BICDL1: variants seen among roughly 807,000 people sequenced by gnomAD.
The protein encoded by BICDL1 is BICD family-like cargo adapter 1.
Under a neutral mutation model 76.8 loss-of-function variants are expected in BICDL1, and 20 were observed. That is an observed-to-expected ratio of 0.26 (90% confidence interval 0.18 to 0.38). The LOEUF is 0.38. Ranked by LOEUF, BICDL1 falls within the 10% of genes least tolerant of loss-of-function variation. The pLI is 1.00. For synonymous variants in BICDL1, 383 were observed against 337.1 expected (o/e 1.14, Z -1.49); for missense variants, 700 against 798.6 (o/e 0.88, Z 1.49).
chr12:120,026,105 T>C lies in BICDL1; in HGVS notation c.645+27369T>C, dbSNP rs566083857. 3.3e-5 allele frequency among the ~76,000 whole-genome samples: 5 copies of C among 152,360 alleles called. No homozygotes were observed. In the East Asian group the frequency reaches 9.6e-4, roughly 29 times the overall value. ...CACCCACCTCGGCCTCCCAAAGTGC[T>C]GGGATTACAGGCATGAACCACCGTG... On this transcript the variant is annotated intron_variant, in intron 2 of 9. Coordinates refer to ENST00000548673, the MANE Select transcript of BICDL1 (RefSeq NM_001367886.1).
chr12:120,033,513 G>A (rs563281329), intron 2 of BICDL1, among the ~76,000 whole-genome samples: 58 of 151,480 alleles, frequency 3.8e-4, no homozygotes, highest in African/African-American at 1.4e-3. Context: ...AGTAGCTGGG[G>A]CTACAGGCGC....
intron 7 of BICDL1, among the ~76,000 whole-genome samples, chr12:120,075,441 T>A (rs1238738792): frequency 6.6e-6 from 1 of 152,066 alleles, no homozygotes; most frequent in Non-Finnish European, 1.5e-5. Flanking sequence ...TTGCCCAGGC[T>A]GGAGTATAGT....
At chr12:120,013,742 G>A (rs537085156) in intron 2 of BICDL1, among the ~76,000 whole-genome samples, 9 of 152,218 alleles carry the variant, frequency 5.9e-5, no homozygotes, top group African/African-American at 1.2e-4. Flanking sequence ...GATTACAGGC[G>A]TGAGCCACCG....
chr12:120,019,342 C>G (rs148667183), intron 2 of BICDL1: 1 of 151,834 alleles, frequency 6.6e-6, no homozygotes, highest in Admixed American at 6.6e-5. Flanking sequence ...TCTTTTTATC[C>G]TCTGACTCTA....
At chr12:120,025,482 C>G (rs1044085998) in intron 2 of BICDL1, among the ~76,000 whole-genome samples, 5 of 152,088 alleles carry the variant, frequency 3.3e-5, no homozygotes. Flanking sequence ...GAACATGGTC[C>G]CTATGTGGTG....
chr12:120,077,863 A>G (rs1191631725), intron 7 of BICDL1, among the ~76,000 whole-genome samples: 1 of 138,134 alleles, frequency 7.2e-6, no homozygotes, highest in Non-Finnish European at 1.5e-5. Context: ...GACGCCCCTT[A>G]CAAGTTCTGG....
chr12:120,093,085 G>A lies in BICDL1; in HGVS notation c.1790G>A (p.Gly597Asp), dbSNP rs1440411465. ...CAGCCGGCTGCTGCCCTCTGCAGGG[G>A]CCACAGCGCTGGGCGGGGGGATGAG... ...RSQPAAALCRGHSAGRGDEPS... is the reference protein window; with the variant it reads ...RSQPAAALCRDHSAGRGDEPS... The change falls in exon 10 of 10, where the codon GGC becomes GAC. Residue 597 changes from glycine (G) to aspartate (D), a missense_variant. Gly to Asp is a moderately conservative substitution (Grantham distance 94, BLOSUM62 -1). Transcript: ENST00000548673. The A allele has an allele frequency of 1.9e-6, 3 of 1,610,814 alleles. No individual in the cohort carries two copies. The East Asian group carries it at 6.7e-5, about 36-fold the overall frequency.
rs1875252104 is a variant in BICDL1, at chr12:120,094,481, T to G, written c.*1320T>G. 2 of 301,652 alleles carry G rather than the reference T, an allele frequency of 6.6e-6. No homozygotes were observed. The highest frequency in any genetic ancestry group is 2.2e-5 in the African/African-American group (1 of 45,698). The allele number at this position is 301,652 out of a possible 1,614,324, so 18.7% of individuals were successfully genotyped here. On this transcript the variant is annotated 3_prime_UTR_variant, in exon 10 of 10. Coordinates refer to ENST00000548673, the MANE Select transcript of BICDL1 (RefSeq NM_001367886.1). ...GAAAATAGTCTGAATAAGAATAAAA[T>G]GAATTTCTACAGAGCTTCCTGCCTC...
intron 2 of BICDL1, among the ~76,000 whole-genome samples, chr12:120,027,206 A>G (rs7978927): frequency 0.22 from 33,048 of 150,806 alleles, 3,897 homozygotes; most frequent in East Asian, 0.4. Context: ...AATTTTTTGT[A>G]TTTTTAGTAG....
intron 2 of BICDL1, among the ~76,000 whole-genome samples, chr12:120,039,195 G>A (rs1220047859): frequency 6.6e-6 from 1 of 151,928 alleles, no homozygotes; most frequent in African/African-American, 2.4e-5. Flanking sequence ...TACTTGTGAG[G>A]CTAAGGCAGG....
intron 7 of BICDL1, chr12:120,080,645 G>C: frequency 2.6e-6 from 1 of 381,626 alleles, no homozygotes; most frequent in South Asian, 2.9e-5. Context: ...TACGGCTGCA[G>C]GTCCAGAGCT....
At chr12:119,995,843 G>A (rs1951632368) in intron 1 of BICDL1, among the ~76,000 whole-genome samples, 1 of 151,986 alleles carries the variant, frequency 6.6e-6, no homozygotes, top group South Asian at 2.1e-4. Context: ...AAAATTAGCT[G>A]GGCGTGGTGG....
rs200773305 is a variant in BICDL1, at chr12:120,093,064, C to T, written c.1769C>T (p.Pro590Leu). The T allele has an allele frequency of 3.4e-5, 55 of 1,596,922 alleles. No individual in the cohort carries two copies. The Admixed American group carries it at 3.5e-4, about 10-fold the overall frequency. Reference protein sequence around the residue: ...MDTHLKERSQPAAALCRGHSA... With the variant: ...MDTHLKERSQLAAALCRGHSA... The stretch of plus-strand genomic sequence containing the variant: ...ACGCACCTGAAAGAACGGAGCCAGC[C>T]GGCTGCTGCCCTCTGCAGGGGCCAC... Residue 590 changes from proline to leucine, a missense_variant, in exon 10 of 10, where the codon CCG (proline) becomes CTG (leucine). Around this residue, in one of 3 missense-constraint regions of BICDL1, gnomAD observed 455 missense variants for 548.7 expected, o/e 0.83. Transcript: ENST00000548673.
chr12:120,064,795 A>T lies in BICDL1; in HGVS notation c.825A>T (p.Glu275Asp), dbSNP rs775665748. 2 of 1,613,892 alleles carry T rather than the reference A, an allele frequency of 1.2e-6. No individual in the cohort carries two copies. Among genetic ancestry groups the T allele is most frequent in the South Asian group, 2.2e-5 (2 of 91,068 alleles). The part of the protein sequence containing the change: ...LEHRLSATLE[E>D]NDLLQGTVEE... ...ATCGTCTCAGCGCTACTTTAGAGGA[A>T]AATGACCTGCTCCAAGGGACCGTGG... The change falls in exon 4 of 10, where the codon GAA becomes GAT. Residue 275 changes from glutamate to aspartate, a missense_variant. Physicochemically the swap from Glu to Asp is conservative, Grantham distance 45. This residue lies in a region of BICDL1 where 455 missense variants were observed against 548.7 expected (regional missense o/e 0.83). Transcript: ENST00000548673.
At chr12:120,090,687 A>T (rs1049784143) in intron 9 of BICDL1, 2 of 364,618 alleles carry the variant, frequency 5.5e-6, no homozygotes, top group African/African-American at 2.1e-5. Flanking sequence ...TCTCCCCAAG[A>T]ATTCTCATCC....
chr12:119,998,540 A>C lies in BICDL1; in HGVS notation c.449A>C (p.His150Pro). 6.2e-7 allele frequency: 1 copy of C among 1,609,706 alleles called. No individual in the cohort carries two copies. The highest frequency in any genetic ancestry group is 8.5e-7 in the Non-Finnish European group (1 of 1,178,066). The change falls in exon 2 of 10, where the codon CAT becomes CCT. Residue 150 changes from histidine (H) to proline (P), a missense_variant. His to Pro is a moderately conservative substitution (Grantham distance 77). This residue lies in a region of BICDL1 where 20 missense variants were observed against 50.3 expected (regional missense o/e 0.40). Coordinates refer to ENST00000548673, the MANE Select transcript of BICDL1 (RefSeq NM_001367886.1). ...ACCCAGCACTTAGAGCAAGAGAAAC[A>C]TGAATTGAGAAGACGATTTGAGAAC... ...DKLEHLEQEK[H>P]ELRRRFENRE...
intron 2 of BICDL1, among the ~76,000 whole-genome samples, chr12:120,056,809 A>G (rs1437251182): frequency 6.6e-6 from 1 of 152,052 alleles, no homozygotes; most frequent in African/African-American, 2.4e-5. Flanking sequence ...GAGTGGCTGC[A>G]GCTGGGGAAC....
At position 120,067,582 on chromosome 12, in the gene BICDL1, C is replaced by G. The variant is rs79813156; in HGVS notation, c.909+2703C>G. Among the ~76,000 whole-genome samples the G allele has an allele frequency of 5.9e-3, 893 of 152,274 alleles. 13 individuals carry two copies. Among genetic ancestry groups the G allele is most frequent in the African/African-American group, 0.02 (849 of 41,550 alleles). Reference sequence around the variant, plus strand: ...GTTTGGTTTTTCTGCCTGTGTCTGTCCAGTTGGTGAATCAATTGTTGACTG... The same window carrying G: ...GTTTGGTTTTTCTGCCTGTGTCTGTGCAGTTGGTGAATCAATTGTTGACTG... On this transcript the variant is annotated intron_variant, in intron 4 of 9. Coordinates refer to ENST00000548673, the MANE Select transcript of BICDL1 (RefSeq NM_001367886.1).
At chr12:120,053,886 T>C (rs1015882561) in intron 2 of BICDL1, among the ~76,000 whole-genome samples, 2 of 152,034 alleles carry the variant, frequency 1.3e-5, no homozygotes, top group Non-Finnish European at 1.5e-5. Context: ...TATAAAAAAC[T>C]GTAAGGCCAG....
Sources: gnomAD v4.1 joint callset for allele counts (sites outside exome capture counted in the v4.1 genomes callset) on GRCh38, gnomAD v4.1.1 for gene constraint, gnomAD v4.1.1 regional missense constraint, MANE v1.5 for transcripts, NCBI Gene and HGNC (gene_info 2026-07-23, HGNC 2026-07-21) for gene names.